Variants in TRPC3 observed in about 807,000 individuals in gnomAD.
TRPC3 encodes the protein short transient receptor potential channel 3.
Under a neutral mutation model 90.9 loss-of-function variants are expected in TRPC3, and 54 were observed. That is an observed-to-expected ratio of 0.59 (90% confidence interval 0.48 to 0.75). The LOEUF (loss-of-function observed/expected upper bound fraction) is 0.75. TRPC3 is among the 30% of genes least tolerant of loss of function. The pLI is 0.00. For synonymous variants in TRPC3, 424 were observed against 450.9 expected, an observed-to-expected ratio of 0.94 and a Z score of 0.75; for missense variants, 918 against 1,194.5, an observed-to-expected ratio of 0.77 and a Z score of 3.41.
chr4:121,947,183 C>CAA (rs11457162), intron 1 of TRPC3, among the ~76,000 whole-genome samples: 1,395 of 91,612 alleles, frequency 0.015, 30 homozygotes, highest in Middle Eastern at 0.051. Context: ...GACTCTGTCT[C>CAA]AAAAAAAAAA....
intron 3 of TRPC3, among the ~76,000 whole-genome samples, chr4:121,921,929 T>G (rs886410829): frequency 8.0e-5 from 12 of 149,694 alleles, no homozygotes; most frequent in East Asian, 3.9e-4. Context: ...GTTTTTTTTT[T>G]TTTTTTCGAG....
At chr4:121,908,363 AATTCCATTAGT>A (rs2149123119) in intron 6 of TRPC3, among the ~76,000 whole-genome samples, 1 of 152,320 alleles carries the variant, frequency 6.6e-6, no homozygotes, top group East Asian at 1.9e-4. Context: ...TCAACCCAGC[AATTCCATTAGT>A]GGGTATATAT....
At position 121,951,344 on chromosome 4, in the gene TRPC3, G is replaced by C; in HGVS notation, c.215+122C>G. The C allele has an allele frequency of 3.4e-6, 2 of 585,756 alleles. No individual in the cohort carries two copies. Among genetic ancestry groups the C allele is most frequent in the Non-Finnish European group, 4.6e-6 (2 of 435,334 alleles). 36.3% of individuals were successfully genotyped at this position (585,756 alleles called of 1,614,324 possible). On this transcript the variant is annotated intron_variant, in intron 1 of 11. Coordinates refer to ENST00000379645, the MANE Select transcript of TRPC3 (RefSeq NM_001130698.2). This position sits in a 1 kb window ranked among gnomAD's most constrained non-coding sequence, Gnocchi z 4.4. ...CAAATCACTCCAAATCGAACTGCCTGGCCGTACCATGTGGGTCTCGGAGGT... is the reference window on the plus strand; with the variant it reads ...CAAATCACTCCAAATCGAACTGCCTCGCCGTACCATGTGGGTCTCGGAGGT...
Position 121,932,138 on chromosome 4 carries a change from G to A in TRPC3, c.987+133C>T, listed in dbSNP as rs907567273. ...AAACATTAGATGAGGTCTGAATGACGTTCTCAGTCCCTCGTGATTTCACAT... is the reference window on the plus strand; with the variant it reads ...AAACATTAGATGAGGTCTGAATGACATTCTCAGTCCCTCGTGATTTCACAT... On this transcript the variant is annotated intron_variant, in intron 2 of 11. Coordinates refer to ENST00000379645, the MANE Select transcript of TRPC3 (RefSeq NM_001130698.2). The surrounding 1 kb of genome is among the most constrained non-coding windows in gnomAD (Gnocchi z 7.7). 2 of 1,381,070 alleles carry A rather than the reference G, an allele frequency of 1.4e-6. No individual in the cohort carries two copies. Among genetic ancestry groups the A allele is most frequent in the East Asian group, 2.4e-5 (1 of 41,064 alleles). 85.6% of individuals were successfully genotyped at this position (1,381,070 alleles called of 1,614,324 possible).
At chr4:121,922,711 G>C (rs1729565531) in intron 3 of TRPC3, among the ~76,000 whole-genome samples, 3 of 152,112 alleles carry the variant, frequency 2.0e-5, no homozygotes, top group Admixed American at 6.5e-5. Context: ...AGGTGCCAAA[G>C]AAAAGAGATA....
At chr4:121,945,660 C>A (rs750584066) in intron 1 of TRPC3, among the ~76,000 whole-genome samples, 1 of 152,180 alleles carries the variant, frequency 6.6e-6, no homozygotes. Flanking sequence ...AAACCCTCCC[C>A]CTACATCCCC....
At chr4:121,913,204 C>A (rs1729172264) in intron 4 of TRPC3, among the ~76,000 whole-genome samples, 1 of 152,152 alleles carries the variant, frequency 6.6e-6, no homozygotes, top group Non-Finnish European at 1.5e-5. Context: ...TGTTACACAG[C>A]TGCAAAAAGG....
intron 3 of TRPC3, among the ~76,000 whole-genome samples, chr4:121,920,155 T>A (rs970122863): frequency 6.6e-6 from 1 of 152,216 alleles, no homozygotes; most frequent in Non-Finnish European, 1.5e-5. Context: ...CAAAGAATAA[T>A]ATAGGTATTT....
At chr4:121,926,469 C>T (rs1199020187) in intron 2 of TRPC3, among the ~76,000 whole-genome samples, 2 of 151,150 alleles carry the variant, frequency 1.3e-5, no homozygotes, top group South Asian at 2.1e-4. Context: ...TACAGTGGCA[C>T]GATCTTGGCT....
chr4:121,915,039 G>A lies in TRPC3; in HGVS notation c.1177-95C>T, dbSNP rs546282532. The A allele has an allele frequency of 2.6e-5, 28 of 1,064,088 alleles. No homozygotes were observed. In the Admixed American group the frequency reaches 4.8e-4, roughly 18 times the overall value. 65.9% of individuals were successfully genotyped at this position (1,064,088 alleles called of 1,614,324 possible). A position where few individuals can be genotyped will look rare whatever the true frequency, so the allele number is the denominator to read the frequency against. ...CTATTAAATACACATGCATCCTAAA[G>A]ATATTAAAGCATATTTTTTCTAGCA... On this transcript the variant is annotated intron_variant, in intron 3 of 11. Transcript: ENST00000379645.
intron 1 of TRPC3, among the ~76,000 whole-genome samples, chr4:121,936,284 T>C (rs1376249140): frequency 6.6e-6 from 1 of 152,186 alleles, no homozygotes; most frequent in African/African-American, 2.4e-5. Flanking sequence ...GTATCTCTTC[T>C]AGCATGAAAA....
In TRPC3 at chr4:121,891,020, G is replaced by A. The variant is rs1488764674; in HGVS notation, c.2548-8591C>T. 4.6e-5 allele frequency among the ~76,000 whole-genome samples: 7 copies of A among 152,122 alleles called. No individual in the cohort carries two copies. The East Asian group carries it at 1.2e-3, about 25-fold the overall frequency. ...AACAAAAAAATAGAAAGGCCATAGTGTATGCCAGGAAAAATTGATACAGAT... is the reference window on the plus strand; with the variant it reads ...AACAAAAAAATAGAAAGGCCATAGTATATGCCAGGAAAAATTGATACAGAT... On this transcript the variant is annotated intron_variant, in intron 10 of 11. Transcript: ENST00000379645.
chr4:121,918,891 C>T (rs931712863), intron 3 of TRPC3, among the ~76,000 whole-genome samples: 1 of 152,202 alleles, frequency 6.6e-6, no homozygotes, highest in Non-Finnish European at 1.5e-5. Context: ...TTTTCAATGA[C>T]TTCGAAATAG....
In TRPC3 at chr4:121,932,738, G is replaced by A. The variant is rs1199183351; in HGVS notation, c.520C>T (p.Arg174Cys). ...GCGAGCAGCAGGGCGTCGCCAATGC[G>A]CGCCAGGTTCTCCTTCTTGAGCAGC... is the stretch of plus-strand genomic sequence containing the variant. ...ELLLKKENLA[R>C]IGDALLLAIS... Residue 174 changes from arginine (R) to cysteine (C), a missense_variant, in exon 2 of 12, where the codon CGC becomes TGC. Coordinates refer to ENST00000379645, the MANE Select transcript of TRPC3 (RefSeq NM_001130698.2). This position sits in a 1 kb window ranked among gnomAD's most constrained non-coding sequence, Gnocchi z 7.7. 2.5e-6 allele frequency: 4 copies of A among 1,613,906 alleles called. No individual in the cohort carries two copies. Among genetic ancestry groups the A allele is most frequent in the East Asian group, 2.2e-5 (1 of 44,858 alleles).
chr4:121,885,865 C>A (rs940531114), intron 10 of TRPC3, among the ~76,000 whole-genome samples: 3 of 152,124 alleles, frequency 2.0e-5, no homozygotes, highest in Non-Finnish European at 4.4e-5. Flanking sequence ...ATTCCACAAA[C>A]CTCCAGAAAT....
In TRPC3 at chr4:121,907,579, A is replaced by G. The variant is rs145710040; in HGVS notation, c.1793-12T>C. On this transcript the variant is annotated splice_polypyrimidine_tract_variant and intron_variant, in intron 6 of 11. Coordinates refer to ENST00000379645, the MANE Select transcript of TRPC3 (RefSeq NM_001130698.2). ...CCATTTATCTCTAGCTAGAAAAAAGAGAGAAAGAGATTAAAAATGGAGCTT... is the reference window on the plus strand; with the variant it reads ...CCATTTATCTCTAGCTAGAAAAAAGGGAGAAAGAGATTAAAAATGGAGCTT... 4 of 1,586,608 alleles carry G rather than the reference A, an allele frequency of 2.5e-6. No homozygotes were observed. Among genetic ancestry groups the G allele is most frequent in the Non-Finnish European group, 2.6e-6 (3 of 1,169,484 alleles).
chr4:121,944,051 A>G (rs1006551300), intron 1 of TRPC3, among the ~76,000 whole-genome samples: 15 of 152,144 alleles, frequency 9.9e-5, no homozygotes, highest in Non-Finnish European at 2.1e-4. Context: ...CATAAGCGTG[A>G]AGTCAGCCAT....
intron 3 of TRPC3, among the ~76,000 whole-genome samples, chr4:121,923,712 C>T (rs1729606224): frequency 1.3e-5 from 2 of 152,178 alleles, no homozygotes; most frequent in Non-Finnish European, 2.9e-5. Flanking sequence ...GTGACTTGCT[C>T]ATGGTCACAC....
chr4:121,921,517 G>A (rs1207244715), intron 3 of TRPC3, among the ~76,000 whole-genome samples: 1 of 91,558 alleles, frequency 1.1e-5, no homozygotes, highest in Non-Finnish European at 2.0e-5. Context: ...GCGAGACTCC[G>A]TCTCAAAAAA....
Sources: allele counts gnomAD v4.1 joint callset (sites outside exome capture counted in the v4.1 genomes callset), GRCh38; gene constraint gnomAD v4.1.1; non-coding constraint Gnocchi (gnomAD v3.1); transcripts MANE v1.5; gene names NCBI Gene and HGNC (gene_info 2026-07-23, HGNC 2026-07-21).